The following EYA1 variants were observed in gnomAD, a reference collection of about 807,000 sequenced individuals.
The protein encoded by EYA1 is protein phosphatase EYA1.
A neutral mutation model predicts 82.0 loss-of-function variants in EYA1; 16 were observed. The ratio of observed to expected loss-of-function variants is 0.20; its 90% CI spans 0.13 to 0.30. The LOEUF is 0.30. Among genes scored for constraint, EYA1 ranks in the 10% least tolerant of loss-of-function variants. EYA1 has a pLI of 1.00. For missense variants in EYA1, 633 were observed against 730.7 expected (o/e 0.87, Z 1.54); for synonymous variants, 261 against 264.4 (o/e 0.99, Z 0.12).
chr8:71,418,025 A>G (rs1352193371), intron 2 of EYA1, among the ~76,000 whole-genome samples: 1 of 152,198 alleles, frequency 6.6e-6, no homozygotes, highest in Non-Finnish European at 1.5e-5. Context: ...GCCTTAGGGC[A>G]TACCCTCTCA....
At chr8:71,454,064 G>T (rs1171115310) in intron 2 of EYA1, among the ~76,000 whole-genome samples, 1 of 152,014 alleles carries the variant, frequency 6.6e-6, no homozygotes, top group Non-Finnish European at 1.5e-5. Flanking sequence ...CAAAATAAAG[G>T]GATGAAGGAA....
intron 11 of EYA1, among the ~76,000 whole-genome samples, chr8:71,268,589 T>C (rs1283792163): frequency 6.6e-6 from 1 of 152,194 alleles, no homozygotes; most frequent in South Asian, 2.1e-4. Flanking sequence ...GTTGTCTTCT[T>C]ATAGAGAATT....
chr8:71,439,430 A>G (rs927104198), intron 2 of EYA1, among the ~76,000 whole-genome samples: 1 of 152,204 alleles, frequency 6.6e-6, no homozygotes, highest in Non-Finnish European at 1.5e-5. Context: ...CTGGGGTTTG[A>G]CAGTTATGTA....
At chr8:71,450,962 G>T (rs1807316819) in intron 2 of EYA1, among the ~76,000 whole-genome samples, 1 of 152,168 alleles carries the variant, frequency 6.6e-6, no homozygotes, top group Non-Finnish European at 1.5e-5. Context: ...AAGAAGAAAT[G>T]CAAACAGCTA....
intron 11 of EYA1, among the ~76,000 whole-genome samples, chr8:71,264,624 C>T (rs924296299): frequency 6.6e-6 from 1 of 150,494 alleles, no homozygotes; most frequent in Non-Finnish European, 1.5e-5. Context: ...GTCACCCAGG[C>T]TGGAATGCAG....
At chr8:71,372,011 G>A (rs1469727701) in intron 2 of EYA1, among the ~76,000 whole-genome samples, 2 of 152,090 alleles carry the variant, frequency 1.3e-5, no homozygotes, top group Non-Finnish European at 2.9e-5. Context: ...TAGAGTTTCA[G>A]CAAGAGAGGA....
At chr8:71,516,649 ATGT>A (rs1239009343) in intron 2 of EYA1, among the ~76,000 whole-genome samples, 2 of 152,138 alleles carry the variant, frequency 1.3e-5, no homozygotes, top group African/African-American at 4.8e-5. Flanking sequence ...ATTGCCTATA[ATGT>A]TGTGCTCTCT....
intron 2 of EYA1, among the ~76,000 whole-genome samples, chr8:71,530,179 G>A (rs949968012): frequency 1.6e-4 from 25 of 152,138 alleles, no homozygotes; most frequent in Admixed American, 1.1e-3. Context: ...AGAAGAGAAG[G>A]AGGGGCACAG....
At chr8:71,501,832 A>G (rs1419395141) in intron 2 of EYA1, among the ~76,000 whole-genome samples, 1 of 152,234 alleles carries the variant, frequency 6.6e-6, no homozygotes, top group Non-Finnish European at 1.5e-5. Context: ...TTAGCTAAAG[A>G]CACACTTCGT....
At chr8:71,395,288 T>C (rs1196618126) in intron 2 of EYA1, among the ~76,000 whole-genome samples, 1 of 152,236 alleles carries the variant, frequency 6.6e-6, no homozygotes, top group Non-Finnish European at 1.5e-5. Flanking sequence ...TTTATTTCTT[T>C]CTCTTGCCTG....
intron 11 of EYA1, among the ~76,000 whole-genome samples, chr8:71,254,700 C>T (rs1421035210): frequency 3.3e-5 from 5 of 151,996 alleles, no homozygotes; most frequent in African/African-American, 7.3e-5. Context: ...TTCTGTGTAA[C>T]AAAACATAGA....
At chr8:71,394,699 G>C in intron 2 of EYA1, among the ~76,000 whole-genome samples, 1 of 152,162 alleles carries the variant, frequency 6.6e-6, no homozygotes, top group Non-Finnish European at 1.5e-5. Flanking sequence ...CTGTAGCCTT[G>C]TAGTATAGTT....
rs117353940 is a variant in EYA1, at chr8:71,378,962, C to T, written c.34-22451G>A. Among the ~76,000 whole-genome samples, 831 of 152,230 alleles carry T rather than the reference C, an allele frequency of 5.5e-3. 5 individuals carry two copies. The highest frequency in any genetic ancestry group is 8.1e-3 in the Non-Finnish European group (548 of 68,012). On this transcript the variant is annotated intron_variant, in intron 2 of 18. Transcript: ENST00000643681. ...AATTCTGTAAATTGACTTTTAGCTT[C>T]GGAATGAACATGTGTTTATCAAAGC...
intron 2 of EYA1, among the ~76,000 whole-genome samples, chr8:71,431,681 A>G (rs1805626355): frequency 6.6e-6 from 1 of 152,144 alleles, no homozygotes. Context: ...GTCTTCTTTT[A>G]AGGAAACTCA....
At chr8:71,528,362 T>C (rs995345830) in intron 2 of EYA1, among the ~76,000 whole-genome samples, 2 of 152,210 alleles carry the variant, frequency 1.3e-5, no homozygotes, top group Admixed American at 1.3e-4. Flanking sequence ...CCTGGAAATA[T>C]AAACATGTCA....
intron 2 of EYA1, among the ~76,000 whole-genome samples, chr8:71,480,197 C>T (rs1360122619): frequency 6.6e-6 from 1 of 152,174 alleles, no homozygotes; most frequent in Non-Finnish European, 1.5e-5. Context: ...TAATCTTGTA[C>T]ATTCACAGGC....
At chr8:71,203,373 T>C (rs1291299259) in intron 17 of EYA1, among the ~76,000 whole-genome samples, 1 of 152,178 alleles carries the variant, frequency 6.6e-6, no homozygotes, top group Non-Finnish European at 1.5e-5. Flanking sequence ...AAGATATAAC[T>C]GATGAAACAA....
intron 2 of EYA1, among the ~76,000 whole-genome samples, chr8:71,355,785 G>C (rs901616892): frequency 1.3e-5 from 2 of 152,132 alleles, no homozygotes; most frequent in Non-Finnish European, 2.9e-5. Flanking sequence ...TTCCATAAAA[G>C]GTACAAAAGC....
At position 71,228,684 on chromosome 8, in the gene EYA1, C is replaced by T. The variant is rs143669517; in HGVS notation, c.1141-11661G>A. ...ACCACATGTTCTCGATTCTTTCATT[C>T]ATTTTCTCATGCATTCAACTAATAA... On this transcript the variant is annotated intron_variant, in intron 12 of 17. Coordinates refer to ENST00000340726, the MANE Select transcript of EYA1 (RefSeq NM_000503.6). Among the ~76,000 whole-genome samples, 468 of 152,258 alleles carry T rather than the reference C, an allele frequency of 3.1e-3. 2 individuals are homozygous for T. The highest frequency in any genetic ancestry group is 0.01 in the African/African-American group (436 of 41,558).
Sources: gnomAD v4.1 joint callset for allele counts (sites outside exome capture counted in the v4.1 genomes callset) on GRCh38, gnomAD v4.1.1 for gene constraint, MANE v1.5 for transcripts, NCBI Gene and HGNC (gene_info 2026-07-23, HGNC 2026-07-21) for gene names.